The following PLCB4 variants were observed in gnomAD, a reference collection of about 807,000 sequenced individuals.
PLCB4 encodes phospholipase C beta 4.
PLCB4 carries 77 observed loss-of-function variants against 178.8 expected under a neutral mutation model. That is an observed-to-expected ratio of 0.43 (90% CI 0.36 to 0.52). The LOEUF (loss-of-function observed/expected upper bound fraction) is 0.52, where lower values mean the gene tolerates loss of function less well. PLCB4 is among the 20% of genes least tolerant of loss of function. The probability of loss-of-function intolerance (pLI) is 0.00; values close to 1 mark genes in which losing one functional copy is unlikely to be tolerated. For synonymous variants in PLCB4, 496 were observed against 490.8 expected (o/e 1.01, Z -0.14); for missense variants, 1,024 against 1,453.4 (o/e 0.70, Z 4.80).
At position 9,389,860 on chromosome 20, in the gene PLCB4, T is replaced by C; in HGVS notation, c.1159-19T>C. 7.4e-7 allele frequency: 1 copy of C among 1,347,626 alleles called. No individual in the cohort carries two copies. Among genetic ancestry groups the C allele is most frequent in the Non-Finnish European group, 1.0e-6 (1 of 966,354 alleles). 83.5% of individuals were successfully genotyped at this position (1,347,626 alleles called of 1,614,324 possible). ...TTTTTGCTCTTTTCTCTCATTAACGTTTTTTTTTGTTTTTAAAGGATGTAA... is the reference window on the plus strand; with the variant it reads ...TTTTTGCTCTTTTCTCTCATTAACGCTTTTTTTTGTTTTTAAAGGATGTAA... On this transcript the variant is annotated intron_variant, in intron 15 of 39. Coordinates refer to ENST00000378473, the MANE Select transcript of PLCB4 (RefSeq NM_001377142.1).
chr20:9,304,155 G>A (rs1268542479), intron 3 of PLCB4, among the ~76,000 whole-genome samples: 3 of 143,512 alleles, frequency 2.1e-5, no homozygotes, highest in Admixed American at 1.4e-4. Flanking sequence ...GTTTTGGTTT[G>A]TAATGCTCTC....
chr20:9,350,156 A>T (rs565470130), intron 7 of PLCB4, among the ~76,000 whole-genome samples: 1 of 150,196 alleles, frequency 6.7e-6, no homozygotes, highest in Non-Finnish European at 1.5e-5. Flanking sequence ...AAATAAATTT[A>T]AAAAAAAAAC....
chr20:9,249,431 C>T (rs139147937), intron 3 of PLCB4, among the ~76,000 whole-genome samples: 5,117 of 152,158 alleles, frequency 0.034, 312 homozygotes, highest in African/African-American at 0.12. Context: ...CCTCAGCCTC[C>T]CAAGTAGCTG....
At chr20:9,108,020 G>T (rs1237514067) in intron 2 of PLCB4, among the ~76,000 whole-genome samples, 1 of 152,142 alleles carries the variant, frequency 6.6e-6, no homozygotes, top group African/African-American at 2.4e-5. Flanking sequence ...GGATTCCAAG[G>T]TTTTGTGCCT....
rs116062917 is a variant in PLCB4, at chr20:9,416,495, A to C, written c.2052-3312A>C. 6.1e-3 allele frequency among the ~76,000 whole-genome samples: 928 copies of C among 151,884 alleles called. 4 individuals carry two copies. Among genetic ancestry groups the C allele is most frequent in the African/African-American group, 0.014 (565 of 41,432 alleles). ...CATGAAAGCCAGACCCACCATTGTTACCTCCCCTCACAGTCTGTGTCGGTT... is the reference window on the plus strand; with the variant it reads ...CATGAAAGCCAGACCCACCATTGTTCCCTCCCCTCACAGTCTGTGTCGGTT... On this transcript the variant is annotated intron_variant, in intron 25 of 39. Transcript: ENST00000378473.
chr20:9,376,262 G>C (rs1234536696), intron 12 of PLCB4, among the ~76,000 whole-genome samples: 1 of 152,128 alleles, frequency 6.6e-6, no homozygotes, highest in Non-Finnish European at 1.5e-5. Flanking sequence ...GACCTGCTGA[G>C]TCAGAGTCTG....
chr20:9,346,728 T>G (rs2033834644), intron 7 of PLCB4, among the ~76,000 whole-genome samples: 1 of 152,174 alleles, frequency 6.6e-6, no homozygotes, highest in African/African-American at 2.4e-5. Context: ...AACAAATAAT[T>G]GAGTGCATAT....
At chr20:9,219,431 T>C (rs112616069) in intron 3 of PLCB4, among the ~76,000 whole-genome samples, 5,693 of 152,152 alleles carry the variant, frequency 0.037, 158 homozygotes, top group African/African-American at 0.071. Flanking sequence ...ATGGCGCCAC[T>C]GCACTCCAGC....
At chr20:9,420,085 G>A (rs1326816961) in intron 26 of PLCB4, among the ~76,000 whole-genome samples, 176 bp downstream of exon 26, 1 of 152,028 alleles carries the variant, frequency 6.6e-6, no homozygotes, top group African/African-American at 2.4e-5. Context: ...AAAATTATTA[G>A]CTACTTAAAG....
Position 9,212,930 on chromosome 20 carries a change from C to T in PLCB4, c.-78-4460C>T, listed in dbSNP as rs988032854. Among the ~76,000 whole-genome samples, 11 of 151,968 alleles carry T rather than the reference C, an allele frequency of 7.2e-5. 1 individual carries two copies. Among genetic ancestry groups the T allele is most frequent in the Non-Finnish European group, 1.5e-4 (10 of 67,984 alleles). ...CAGTGGTTTTTAGTATTAATATATTCGTGGCATTGTGCAACTATCAACACA... is the reference window on the plus strand; with the variant it reads ...CAGTGGTTTTTAGTATTAATATATTTGTGGCATTGTGCAACTATCAACACA... On this transcript the variant is annotated intron_variant, in intron 2 of 39. Coordinates refer to ENST00000378473, the MANE Select transcript of PLCB4 (RefSeq NM_001377142.1).
At chr20:9,283,048 G>C (rs146446218) in intron 3 of PLCB4, among the ~76,000 whole-genome samples, 1 of 152,116 alleles carries the variant, frequency 6.6e-6, no homozygotes, top group African/African-American at 2.4e-5. Flanking sequence ...GATGGGAGAA[G>C]CTGTGTAGTC....
intron 3 of PLCB4, among the ~76,000 whole-genome samples, chr20:9,289,592 T>C (rs947454950): frequency 6.6e-6 from 1 of 152,088 alleles, no homozygotes. Context: ...TATTTTTTAT[T>C]AAACTACCTC....
chr20:9,454,719 A>G (rs2042959168), intron 33 of PLCB4, among the ~76,000 whole-genome samples: 1 of 152,246 alleles, frequency 6.6e-6, no homozygotes, highest in African/African-American at 2.4e-5. Flanking sequence ...TAAGTTCATG[A>G]CATGAAACCA....
At chr20:9,110,215 A>G (rs1467384868) in intron 2 of PLCB4, among the ~76,000 whole-genome samples, 1 of 152,092 alleles carries the variant, frequency 6.6e-6, no homozygotes, top group Non-Finnish European at 1.5e-5. Context: ...TTTTTAAAAC[A>G]TATAATAAAA....
At chr20:9,475,573 A>T (rs1160150437) in intron 38 of PLCB4, among the ~76,000 whole-genome samples, 1 of 152,214 alleles carries the variant, frequency 6.6e-6, no homozygotes, top group Non-Finnish European at 1.5e-5. Flanking sequence ...ATAAAGATTT[A>T]ATGAGATTCA....
chr20:9,444,134 G>GA, intron 31 of PLCB4, 44 bp from the exon 32 acceptor site: 44 of 1,509,846 alleles, frequency 2.9e-5, no homozygotes, highest in Non-Finnish European at 3.9e-5. Flanking sequence ...ATTACAAAAA[G>GA]AAAAAACAAA....
intron 2 of PLCB4, among the ~76,000 whole-genome samples, chr20:9,141,425 G>A (rs1456242612): frequency 3.3e-5 from 5 of 152,082 alleles, no homozygotes. Flanking sequence ...GTTAGTAAAA[G>A]AATCAAAATG....
intron 3 of PLCB4, among the ~76,000 whole-genome samples, chr20:9,291,225 T>C (rs999665631): frequency 6.6e-6 from 1 of 152,202 alleles, no homozygotes; most frequent in Non-Finnish European, 1.5e-5. Context: ...GTTGTGTGAA[T>C]GTTATTGCTG....
At chr20:9,307,677 G>GA (rs1568560222) in intron 3 of PLCB4, 123 bp from the exon 4 acceptor site, 1 of 499,870 alleles carries the variant, frequency 2.0e-6, no homozygotes, top group Non-Finnish European at 3.5e-6. Flanking sequence ...AAGGGAAGAA[G>GA]AAAAAAACGT....
Sources: gnomAD v4.1 joint callset for allele counts (sites outside exome capture counted in the v4.1 genomes callset) on GRCh38, gnomAD v4.1.1 for gene constraint, MANE v1.5 for transcripts, NCBI Gene and HGNC (gene_info 2026-07-23, HGNC 2026-07-21) for gene names.